LY86: variants seen among roughly 807,000 people sequenced by gnomAD.
LY86 encodes lymphocyte antigen 86.
LY86 carries 20 observed loss-of-function variants against 17.3 expected under a neutral mutation model. The observed-to-expected ratio is 1.15, with a 90% CI of 0.81 to 1.68. The LOEUF (loss-of-function observed/expected upper bound fraction) is 1.68, where lower values mean the gene tolerates loss of function less well. LY86 is among the 40% of genes most tolerant of loss of function. The probability of loss-of-function intolerance (pLI) is 0.00; values close to 1 mark genes in which losing one functional copy is unlikely to be tolerated. For missense variants in LY86, 200 were observed against 191.9 expected, an observed-to-expected ratio of 1.04 and a Z score of -0.25; for synonymous variants, 74 against 70.6, an observed-to-expected ratio of 1.05 and a Z score of -0.24.
chr6:6,611,925 A>G (rs1051769093), intron 1 of LY86, among the ~76,000 whole-genome samples: 4 of 152,218 alleles, frequency 2.6e-5, no homozygotes, highest in Non-Finnish European at 4.4e-5. Context: ...GTGTTCTGCC[A>G]GCTGCTCTTA....
In LY86 at chr6:6,596,723, C is replaced by T. The variant is rs575500943; in HGVS notation, c.136+7853C>T. ...TTTTTTAATGCTAGATGAAAGTGAA[C>T]GCTGCCAGAAGGGAAGCAAGCCACG... On this transcript the variant is annotated intron_variant, in intron 1 of 4. Coordinates refer to ENST00000230568, the MANE Select transcript of LY86 (RefSeq NM_004271.4). 3.3e-5 allele frequency among the ~76,000 whole-genome samples: 5 copies of T among 152,134 alleles called. No homozygotes were observed. In the East Asian group the frequency reaches 9.7e-4, roughly 29 times the overall value.
chr6:6,641,951 C>T (rs931809733), intron 3 of LY86, among the ~76,000 whole-genome samples: 16 of 152,340 alleles, frequency 1.1e-4, no homozygotes, highest in Non-Finnish European at 2.1e-4. Context: ...GCAGCGTGTG[C>T]CTCAGAATTG....
intron 1 of LY86, 135 bp downstream of exon 1, chr6:6,589,005 AGGTCTGG>A: frequency 1.4e-5 from 17 of 1,182,832 alleles, no homozygotes; most frequent in Non-Finnish European, 2.0e-5. Flanking sequence ...CACCTGCAGC[AGGTCTGG>A]GAGGGCCACT....
chr6:6,623,379 G>A (rs1426623810), intron 1 of LY86, among the ~76,000 whole-genome samples: 1 of 152,160 alleles, frequency 6.6e-6, no homozygotes, highest in Admixed American at 6.5e-5. Context: ...CTGGGAAGGT[G>A]CAAGAGAGCT....
At chr6:6,592,471 A>G (rs1760559916) in intron 1 of LY86, among the ~76,000 whole-genome samples, 1 of 152,206 alleles carries the variant, frequency 6.6e-6, no homozygotes, top group Non-Finnish European at 1.5e-5. Context: ...TGAGGAGATG[A>G]CAGAAATACT....
At chr6:6,626,546 C>A in intron 3 of LY86, 125 bp downstream of exon 3, 1 of 999,990 alleles carries the variant, frequency 1.0e-6, no homozygotes, top group Non-Finnish European at 1.5e-6. Context: ...ACGAGCTTAT[C>A]CTCACTTATC....
intron 1 of LY86, among the ~76,000 whole-genome samples, chr6:6,595,716 A>C (rs1760691517): frequency 6.6e-6 from 1 of 152,200 alleles, no homozygotes; most frequent in African/African-American, 2.4e-5. Context: ...AATTAAAAGA[A>C]GTATATGTAG....
At chr6:6,597,878 G>A (rs886968406) in intron 1 of LY86, among the ~76,000 whole-genome samples, 11 of 152,244 alleles carry the variant, frequency 7.2e-5, no homozygotes, top group African/African-American at 1.7e-4. Flanking sequence ...CCAGAATGGC[G>A]TCCAAAGGCT....
At chr6:6,629,757 G>T (rs532207600) in intron 3 of LY86, among the ~76,000 whole-genome samples, 6 of 152,250 alleles carry the variant, frequency 3.9e-5, no homozygotes, top group African/African-American at 1.4e-4. Context: ...GCATCACATT[G>T]GATTCAAAGA....
chr6:6,599,483 A>G (rs1014411428), intron 1 of LY86, among the ~76,000 whole-genome samples: 12 of 152,206 alleles, frequency 7.9e-5, no homozygotes, highest in African/African-American at 2.7e-4. Flanking sequence ...GTGTGGGGTG[A>G]GACACTGGAG....
chr6:6,617,663 C>T (rs1388030309), intron 1 of LY86, among the ~76,000 whole-genome samples: 1 of 152,168 alleles, frequency 6.6e-6, no homozygotes, highest in Non-Finnish European at 1.5e-5. Context: ...GTTGCTCTTC[C>T]TATTGCATCC....
chr6:6,605,530 C>G (rs557590490), intron 1 of LY86, among the ~76,000 whole-genome samples: 7 of 152,254 alleles, frequency 4.6e-5, no homozygotes, highest in Non-Finnish European at 1.0e-4. Context: ...CCCCACAACG[C>G]TACCCCATAA....
At chr6:6,606,036 T>G (rs899931595) in intron 1 of LY86, among the ~76,000 whole-genome samples, 1 of 152,198 alleles carries the variant, frequency 6.6e-6, no homozygotes, top group Non-Finnish European at 1.5e-5. Flanking sequence ...CACGTAATAC[T>G]ACTCAAGCAG....
chr6:6,624,374 A>AAAGGGATGGGATGGGATGGG (rs1761740710), intron 1 of LY86, among the ~76,000 whole-genome samples: 1 of 101,726 alleles, frequency 9.8e-6, no homozygotes, highest in Non-Finnish European at 1.9e-5. Context: ...CATTACATTA[A>AAAGGGATGGGATGGGATGGG]ATGGGATGGG....
intron 2 of LY86, 96 bp downstream of exon 2, chr6:6,625,108 A>T: frequency 1.7e-6 from 1 of 580,636 alleles, no homozygotes; most frequent in South Asian, 2.1e-5. Context: ...ATGACTGGCT[A>T]AACTACTGTT....
intron 3 of LY86, among the ~76,000 whole-genome samples, chr6:6,643,218 C>T (rs1762064281): frequency 6.6e-6 from 1 of 152,184 alleles, no homozygotes; most frequent in African/African-American, 2.4e-5. Context: ...TACATTCCCA[C>T]CGACAGTGGG....
chr6:6,602,235 G>C lies in LY86; in HGVS notation c.136+13365G>C, dbSNP rs9405946. 3.7e-4 allele frequency among the ~76,000 whole-genome samples: 56 copies of C among 152,250 alleles called. No homozygotes were observed. The East Asian group carries it at 9.5e-3, about 26-fold the overall frequency. On this transcript the variant is annotated intron_variant, in intron 1 of 4. Coordinates refer to ENST00000230568, the MANE Select transcript of LY86 (RefSeq NM_004271.4). ...TGTTCAGTTTGGAATATTCTCATCA[G>C]CCCAACAATCAAGTATTCAAGCATA...
intron 3 of LY86, among the ~76,000 whole-genome samples, chr6:6,633,796 T>A (rs1581249512): frequency 6.6e-6 from 1 of 152,174 alleles, no homozygotes; most frequent in Admixed American, 6.5e-5. Context: ...CAAAAATAAT[T>A]TGTGTATTGA....
rs201091639 is a variant in LY86, at chr6:6,611,860, CTCCT to C, written c.137-13062_137-13059del. On this transcript the variant is annotated intron_variant, in intron 1 of 4. Coordinates refer to ENST00000230568, the MANE Select transcript of LY86 (RefSeq NM_004271.4). ...TGTCTCTCCTGTCAATCTAGCATCT[CTCCT>C]TCCATTTTTTCTGCACCTACCAAAA... Among the ~76,000 whole-genome samples, 687 of 152,280 alleles carry C rather than the reference CTCCT, an allele frequency of 4.5e-3. 16 individuals carry two copies. Among genetic ancestry groups the C allele is most frequent in the Admixed American group, 0.037 (568 of 15,298 alleles).
Sources: gnomAD v4.1 joint callset for allele counts (sites outside exome capture counted in the v4.1 genomes callset) on GRCh38, gnomAD v4.1.1 for gene constraint, MANE v1.5 for transcripts, NCBI Gene and HGNC (gene_info 2026-07-23, HGNC 2026-07-21) for gene names.